Variants in FANCB observed in about 807,000 individuals in gnomAD.
FANCB encodes the protein Fanconi anemia group B protein.
Under a neutral mutation model 38.9 loss-of-function variants are expected in FANCB, and 5 were observed. The observed-to-expected ratio is 0.13, with a 90% CI of 0.07 to 0.27. The LOEUF is 0.27. FANCB is among the 10% of genes least tolerant of loss of function. FANCB has a pLI of 1.00. For missense variants in FANCB, 573 were observed against 602.7 expected (o/e 0.95, Z 0.52); for synonymous variants, 236 against 215.4 (o/e 1.10, Z -0.84).
At chrX:14,751,611 T>TA in the FANCB span, among the ~76,000 whole-genome samples, 2 of 111,503 alleles carry the variant, frequency 1.8e-5, no homozygotes, top group Non-Finnish European at 3.8e-5. Context: ...CTTACATCAA[T>TA]AAAAAGTGTT....
At chrX:14,783,129 A>C in the FANCB span, among the ~76,000 whole-genome samples, 3 of 112,125 alleles carry the variant, frequency 2.7e-5, no homozygotes, top group African/African-American at 9.7e-5. Flanking sequence ...GCACAGATTA[A>C]AATCAAAGAT....
chrX:14,704,824 A>C, the FANCB span, among the ~76,000 whole-genome samples: 12 of 112,170 alleles, frequency 1.1e-4, no homozygotes, highest in East Asian at 2.2e-3. Context: ...GGGCAGATAA[A>C]AAAAACTGCT....
At chrX:14,820,099 C>CT in the FANCB span, among the ~76,000 whole-genome samples, 2 of 111,337 alleles carry the variant, frequency 1.8e-5, no homozygotes, top group South Asian at 7.6e-4. Flanking sequence ...TTTCTCACCA[C>CT]TCAACTAACC....
At chrX:14,853,916 G>T (rs1432652580) in intron 5 of FANCB, among the ~76,000 whole-genome samples, 3 of 112,098 alleles carry the variant, frequency 2.7e-5, no homozygotes, top group African/African-American at 9.7e-5. Context: ...ATTTCAGGTG[G>T]ATATCTGAGG....
At chrX:14,848,672 A>G (rs1031400597) in intron 7 of FANCB, among the ~76,000 whole-genome samples, 2 of 112,038 alleles carry the variant, frequency 1.8e-5, no homozygotes, top group African/African-American at 6.5e-5. Flanking sequence ...AATTACTGAC[A>G]CACACACTAT....
chrX:14,715,583 T>G, the FANCB span, among the ~76,000 whole-genome samples: 5 of 110,948 alleles, frequency 4.5e-5, no homozygotes, highest in African/African-American at 1.6e-4. Context: ...CTACAGGAGG[T>G]AAGGAGGAAC....
chrX:14,774,132 A>G, the FANCB span, among the ~76,000 whole-genome samples: 7 of 112,217 alleles, frequency 6.2e-5, no homozygotes, highest in Non-Finnish European at 1.9e-5. Flanking sequence ...TAAAAATTTA[A>G]ATTATTGTTT....
At chrX:14,754,057 A>T in the FANCB span, among the ~76,000 whole-genome samples, 1 of 112,048 alleles carries the variant, frequency 8.9e-6, no homozygotes, top group South Asian at 3.7e-4. Flanking sequence ...ACATGGTGCC[A>T]TCTTGTAACC....
chrX:14,731,752 G>T, the FANCB span: 5 of 111,764 alleles, frequency 4.5e-5, no homozygotes, highest in African/African-American at 1.6e-4. Context: ...TACATGTGCT[G>T]TACAAGGGGT....
chrX:14,694,295 A>G, the FANCB span, among the ~76,000 whole-genome samples: 1 of 111,624 alleles, frequency 9.0e-6, no homozygotes, highest in Non-Finnish European at 1.9e-5. Flanking sequence ...ACTCCCTGTC[A>G]TCATTAGACT....
the FANCB span, among the ~76,000 whole-genome samples, chrX:14,716,484 G>C: frequency 8.9e-6 from 1 of 111,786 alleles, no homozygotes; most frequent in Non-Finnish European, 1.9e-5. Flanking sequence ...AGAGGCTGCA[G>C]AAAGGACTAC....
downstream of FANCB, among the ~76,000 whole-genome samples, chrX:14,839,671 T>C (rs1452129504): frequency 9.0e-6 from 1 of 111,341 alleles, no homozygotes; most frequent in Non-Finnish European, 1.9e-5. Flanking sequence ...AAGGGGCATA[T>C]GGGGGTGGTG....
the FANCB span, among the ~76,000 whole-genome samples, chrX:14,804,563 A>G: frequency 9.0e-6 from 1 of 111,520 alleles, no homozygotes; most frequent in African/African-American, 3.3e-5. Context: ...GCAGCACACC[A>G]ACATGGCACA....
the FANCB span, chrX:14,730,340 A>G: frequency 8.3e-7 from 1 of 1,211,179 alleles, no homozygotes; most frequent in South Asian, 1.8e-5. Context: ...AAAGATGGAG[A>G]TGCTATCAAG....
the FANCB span, among the ~76,000 whole-genome samples, chrX:14,724,129 CTT>C: frequency 1.8e-5 from 2 of 111,225 alleles, no homozygotes; most frequent in Non-Finnish European, 3.8e-5. Context: ...CTGTGTGTGT[CTT>C]GTGTGTATAT....
the FANCB span, among the ~76,000 whole-genome samples, chrX:14,701,385 G>T: frequency 9.0e-6 from 1 of 111,070 alleles, no homozygotes; most frequent in South Asian, 3.8e-4. Flanking sequence ...GCAACCCCTG[G>T]TTCAAAAACA....
At chrX:14,772,144 A>G in the FANCB span, among the ~76,000 whole-genome samples, 1 of 110,717 alleles carries the variant, frequency 9.0e-6, no homozygotes, top group African/African-American at 3.3e-5. Context: ...TGGGGGCTGG[A>G]GGGGTTGGGG....
At chrX:14,856,028 C>T (rs771854883) in intron 5 of FANCB, among the ~76,000 whole-genome samples, 21 of 112,132 alleles carry the variant, frequency 1.9e-4, no homozygotes, top group African/African-American at 6.8e-4. Context: ...ATAAATTAAG[C>T]CTTTCATAAA....
chrX:14,726,627 A>C, the FANCB span, among the ~76,000 whole-genome samples: 3 of 112,396 alleles, frequency 2.7e-5, no homozygotes, highest in African/African-American at 9.7e-5. Flanking sequence ...TTAAGCCCCC[A>C]CAGTTTGCAT....
Sources: gnomAD v4.1 joint callset for allele counts (sites outside exome capture counted in the v4.1 genomes callset) on GRCh38, gnomAD v4.1.1 for gene constraint, MANE v1.5 for transcripts, NCBI Gene and HGNC (gene_info 2026-07-23, HGNC 2026-07-21) for gene names.